Variants in STRN3 observed in about 807,000 individuals in gnomAD.
STRN3 encodes striatin-3.
A neutral mutation model predicts 95.6 loss-of-function variants in STRN3; 29 were observed. The ratio of observed to expected loss-of-function variants is 0.30; its 90% CI spans 0.23 to 0.41. The LOEUF is 0.41. Among genes scored for constraint, STRN3 ranks in the 10% least tolerant of loss-of-function variants. The probability of loss-of-function intolerance (pLI) is 1.00; values close to 1 mark genes in which losing one functional copy is unlikely to be tolerated. For missense variants in STRN3, 890 were observed against 972.1 expected (o/e 0.92, Z 1.12); for synonymous variants, 331 against 357.6 (o/e 0.93, Z 0.84).
chr14:30,899,338 AG>A (rs1483839765), intron 16 of STRN3, among the ~76,000 whole-genome samples: 1 of 152,218 alleles, frequency 6.6e-6, no homozygotes, highest in East Asian at 1.9e-4. Context: ...TGGGTCCTGA[AG>A]ATCTCTCTGA....
At chr14:30,911,541 G>C (rs1289159091) in intron 12 of STRN3, among the ~76,000 whole-genome samples, 1 of 151,928 alleles carries the variant, frequency 6.6e-6, no homozygotes, top group Non-Finnish European at 1.5e-5. Context: ...GACCTCAAGT[G>C]ATCTGCCCGC....
intron 1 of STRN3, among the ~76,000 whole-genome samples, chr14:30,989,639 T>C (rs530462164): frequency 1.3e-3 from 203 of 152,144 alleles, no homozygotes; most frequent in African/African-American, 4.5e-3. Flanking sequence ...TTTTTTGTAT[T>C]TTTAGAGATG....
At chr14:30,964,178 G>A (rs1297243405) in intron 1 of STRN3, among the ~76,000 whole-genome samples, 1 of 152,178 alleles carries the variant, frequency 6.6e-6, no homozygotes, top group Non-Finnish European at 1.5e-5. Flanking sequence ...CTTGAACCTG[G>A]GAGGTGGAGG....
At chr14:31,024,122 G>A (rs1883654287) in intron 1 of STRN3, among the ~76,000 whole-genome samples, 1 of 152,112 alleles carries the variant, frequency 6.6e-6, no homozygotes, top group Non-Finnish European at 1.5e-5. Flanking sequence ...ACTAATTTGG[G>A]CACAAGATAT....
rs1204647044 is a variant in STRN3, at chr14:31,026,296, C to T, written c.-111G>A. On this transcript the variant is annotated 5_prime_UTR_variant, in exon 1 of 18. Coordinates refer to ENST00000357479, the MANE Select transcript of STRN3 (RefSeq NM_001083893.2). ...GGGCGGAGGCCGGCCGGGAGAGGGG[C>T]GGGGAAGGGGTCGTTGCTGTGTGCC... 12 of 1,194,544 alleles carry T rather than the reference C, an allele frequency of 1.0e-5. No homozygotes were observed. The highest frequency in any genetic ancestry group is 6.5e-5 in the African/African-American group (4 of 61,882). 74.0% of individuals were successfully genotyped at this position (1,194,544 alleles called of 1,614,324 possible). A position where few individuals can be genotyped will look rare whatever the true frequency, so the allele number is the denominator to read the frequency against.
chr14:31,007,765 G>T (rs1020038532), intron 1 of STRN3, among the ~76,000 whole-genome samples: 3 of 152,012 alleles, frequency 2.0e-5, no homozygotes, highest in African/African-American at 7.3e-5. Flanking sequence ...AAACAGCCAG[G>T]TGTGATGTCA....
At chr14:30,918,432 C>T (rs1896794538) in intron 9 of STRN3, among the ~76,000 whole-genome samples, 1 of 151,870 alleles carries the variant, frequency 6.6e-6, no homozygotes, top group African/African-American at 2.4e-5. Flanking sequence ...TCGCTTGACC[C>T]CAGGAGGCGG....
intron 16 of STRN3, among the ~76,000 whole-genome samples, chr14:30,900,876 C>CTA (rs1175521633): frequency 6.6e-6 from 1 of 151,764 alleles, no homozygotes; most frequent in Non-Finnish European, 1.5e-5. Flanking sequence ...ATTTGAAAGA[C>CTA]TATATGCTGC....
intron 13 of STRN3, among the ~76,000 whole-genome samples, chr14:30,909,479 G>A (rs1213103243): frequency 6.7e-6 from 1 of 149,872 alleles, no homozygotes; most frequent in Non-Finnish European, 1.5e-5. Flanking sequence ...TTCCAAAAAA[G>A]AAAGAGAGAG....
intron 10 of STRN3, among the ~76,000 whole-genome samples, chr14:30,912,663 T>C (rs1594426170): frequency 6.6e-6 from 1 of 152,218 alleles, no homozygotes; most frequent in Non-Finnish European, 1.5e-5. Context: ...AGAATATTTT[T>C]ATCCCATTTT....
intron 7 of STRN3, among the ~76,000 whole-genome samples, chr14:30,929,916 C>T (rs868679570): frequency 8.3e-6 from 1 of 120,778 alleles, no homozygotes; most frequent in Middle Eastern, 6.9e-3. Context: ...AGTTCAACAT[C>T]TCATTACCTT....
At chr14:30,967,519 G>A (rs932758182) in intron 1 of STRN3, among the ~76,000 whole-genome samples, 8 of 152,172 alleles carry the variant, frequency 5.3e-5, no homozygotes, top group Admixed American at 1.3e-4. Flanking sequence ...AAACAAGGGC[G>A]TAGCCCAAAA....
chr14:30,977,320 G>C (rs1407621091), intron 1 of STRN3, among the ~76,000 whole-genome samples: 1 of 151,618 alleles, frequency 6.6e-6, no homozygotes, highest in Non-Finnish European at 1.5e-5. Flanking sequence ...ATAAACAAAA[G>C]AAATAATAAA....
intron 13 of STRN3, among the ~76,000 whole-genome samples, chr14:30,908,241 T>G (rs1168658575): frequency 6.6e-6 from 1 of 152,152 alleles, no homozygotes; most frequent in Admixed American, 6.5e-5. Flanking sequence ...CAAAAAATCT[T>G]CATTAATCCT....
intron 1 of STRN3, among the ~76,000 whole-genome samples, chr14:30,970,737 A>C (rs746445211): frequency 1.3e-5 from 2 of 152,242 alleles, no homozygotes; most frequent in Non-Finnish European, 2.9e-5. Context: ...GGTAAAAGTT[A>C]AAGACTTAAA....
intron 1 of STRN3, among the ~76,000 whole-genome samples, chr14:31,006,833 T>C (rs1173812575): frequency 6.6e-6 from 1 of 152,122 alleles, no homozygotes; most frequent in Non-Finnish European, 1.5e-5. Context: ...TAATGTAGCC[T>C]GGTGCAACAG....
At chr14:31,011,267 G>A (rs1882956855) in intron 1 of STRN3, among the ~76,000 whole-genome samples, 1 of 152,158 alleles carries the variant, frequency 6.6e-6, no homozygotes, top group African/African-American at 2.4e-5. Flanking sequence ...TGTAAGTCAA[G>A]CTCTCATCTC....
chr14:30,997,302 C>G lies in STRN3; in HGVS notation c.282+28602G>C, dbSNP rs1478715271. Among the ~76,000 whole-genome samples the G allele has an allele frequency of 3.9e-5, 6 of 152,170 alleles. No individual in the cohort carries two copies. The East Asian group carries it at 1.2e-3, about 29-fold the overall frequency. On this transcript the variant is annotated intron_variant, in intron 1 of 17. Transcript: ENST00000357479. ...CCCAGGGACAGCCAATTCTTAGAGA[C>G]AGCAAGGCCTCAGCAAGGAACCTGC...
chr14:30,925,661 A>G (rs1221351624), intron 8 of STRN3, among the ~76,000 whole-genome samples: 1 of 152,218 alleles, frequency 6.6e-6, no homozygotes, highest in Non-Finnish European at 1.5e-5. Context: ...CGTATTCTAT[A>G]TTTCAAGATA....
Sources: allele counts gnomAD v4.1 joint callset (sites outside exome capture counted in the v4.1 genomes callset), GRCh38; gene constraint gnomAD v4.1.1; transcripts MANE v1.5; gene names NCBI Gene and HGNC (gene_info 2026-07-23, HGNC 2026-07-21).